Variants in DNAJC15 observed in about 807,000 individuals in gnomAD.
DNAJC15 encodes the protein dnaJ homolog subfamily C member 15.
A neutral mutation model predicts 22.4 loss-of-function variants in DNAJC15; 27 were observed. The ratio of observed to expected loss-of-function variants is 1.20; its 90% CI spans 0.89 to 1.66. The LOEUF is 1.66. Among genes scored for constraint, DNAJC15 ranks in the 40% most tolerant of loss-of-function variants. The pLI is 0.00. For synonymous variants in DNAJC15, 79 were observed against 63.2 expected (o/e 1.25, Z -1.19); for missense variants, 208 against 187.1 (o/e 1.11, Z -0.65).
At chr13:43,063,376 A>T (rs927992239) in intron 1 of DNAJC15, among the ~76,000 whole-genome samples, 4 of 152,338 alleles carry the variant, frequency 2.6e-5, no homozygotes, top group Admixed American at 2.6e-4. Flanking sequence ...TCACTGTGCT[A>T]AATCTTTTAC....
intron 3 of DNAJC15, among the ~76,000 whole-genome samples, chr13:43,071,994 G>A (rs958572020): frequency 4.6e-5 from 7 of 152,148 alleles, no homozygotes; most frequent in Admixed American, 1.3e-4. Flanking sequence ...TTGAAATCTG[G>A]TGAAGCCAAC....
chr13:43,054,997 C>A (rs73473966), intron 1 of DNAJC15, among the ~76,000 whole-genome samples: 6,352 of 151,480 alleles, frequency 0.042, 469 homozygotes, highest in African/African-American at 0.15. Flanking sequence ...ACAATGGGCC[C>A]CAGTAAAAAC....
At chr13:43,083,751 A>T (rs1364248843) in intron 4 of DNAJC15, among the ~76,000 whole-genome samples, 1 of 152,190 alleles carries the variant, frequency 6.6e-6, no homozygotes, top group Non-Finnish European at 1.5e-5. Flanking sequence ...ATGATGTTTA[A>T]CAGTTATTTT....
At chr13:43,047,181 C>T (rs2040481468) in intron 1 of DNAJC15, among the ~76,000 whole-genome samples, 1 of 152,140 alleles carries the variant, frequency 6.6e-6, no homozygotes, top group Non-Finnish European at 1.5e-5. Context: ...ATTTTCATGT[C>T]ATTATACAAA....
At chr13:43,075,247 C>G (rs1318099117) in intron 3 of DNAJC15, among the ~76,000 whole-genome samples, 1 of 152,130 alleles carries the variant, frequency 6.6e-6, no homozygotes, top group Non-Finnish European at 1.5e-5. Flanking sequence ...GAACTTCTTC[C>G]CGACACTAGA....
Position 43,107,291 on chromosome 13 carries a change from G to A in DNAJC15, c.*43G>A, listed in dbSNP as rs1047775. On this transcript the variant is annotated 3_prime_UTR_variant, in exon 6 of 6. Transcript: ENST00000379221. Reference sequence around the variant, plus strand: ...GAAGGAAAAAAAAAGAGGGGACTTCGAAAAAAAAAAAAGCCCTGCAAAATA... The same window carrying A: ...GAAGGAAAAAAAAAGAGGGGACTTCAAAAAAAAAAAAAGCCCTGCAAAATA... The A allele has an allele frequency of 0.45, 548,259 of 1,227,230 alleles. 69,184 individuals are homozygous for A. The highest frequency in any genetic ancestry group is 0.55 in the African/African-American group (32,467 of 59,390). The allele number at this position is 1,227,230 out of a possible 1,614,324, so 76.0% of individuals were successfully genotyped here.
intron 1 of DNAJC15, among the ~76,000 whole-genome samples, chr13:43,030,793 A>G (rs191091490): frequency 6.6e-5 from 10 of 152,340 alleles, no homozygotes; most frequent in Middle Eastern, 6.8e-3. Flanking sequence ...TTCTAGGGCC[A>G]AGCACAGCAC....
At chr13:43,047,425 T>G (rs1012787151) in intron 1 of DNAJC15, among the ~76,000 whole-genome samples, 20 of 152,130 alleles carry the variant, frequency 1.3e-4, no homozygotes, top group African/African-American at 4.8e-4. Context: ...TGAAGTTGAT[T>G]GCTGAGTAAG....
At chr13:43,046,385 CATCTCGGTGGTGGTGAGAG>C (rs1228993175) in intron 1 of DNAJC15, among the ~76,000 whole-genome samples, 1 of 152,092 alleles carries the variant, frequency 6.6e-6, no homozygotes, top group Non-Finnish European at 1.5e-5. Flanking sequence ...CTACAAGAGA[CATCTCGGTGGTGGTGAGAG>C]ACAGGACTAG....
Position 43,107,356 on chromosome 13 carries a change from C to T in DNAJC15, c.*108C>T. 3.5e-6 allele frequency: 3 copies of T among 853,166 alleles called. No individual in the cohort carries two copies. Among genetic ancestry groups the T allele is most frequent in the Non-Finnish European group, 5.0e-6 (3 of 598,966 alleles). 52.8% of individuals were successfully genotyped at this position (853,166 alleles called of 1,614,324 possible). A position where few individuals can be genotyped will look rare whatever the true frequency, so the allele number is the denominator to read the frequency against. On this transcript the variant is annotated 3_prime_UTR_variant, in exon 6 of 6. Transcript: ENST00000379221. ...CTTCTTAATTTTCTATATGGATTGA[C>T]CACAGTCTTATCTTCCACCATTAAG...
intron 1 of DNAJC15, among the ~76,000 whole-genome samples, chr13:43,047,560 T>C (rs186491590): frequency 2.0e-5 from 3 of 152,346 alleles, no homozygotes; most frequent in Admixed American, 6.5e-5. Context: ...CATAACCTTG[T>C]TTGAATCATT....
At chr13:43,051,628 C>T (rs1180767866) in intron 1 of DNAJC15, among the ~76,000 whole-genome samples, 1 of 147,120 alleles carries the variant, frequency 6.8e-6, no homozygotes, top group Non-Finnish European at 1.5e-5. Flanking sequence ...CTGAGTAGTA[C>T]TTCATGGTGT....
intron 1 of DNAJC15, among the ~76,000 whole-genome samples, chr13:43,053,733 A>C (rs1249032832): frequency 6.6e-6 from 1 of 152,192 alleles, no homozygotes; most frequent in Non-Finnish European, 1.5e-5. Flanking sequence ...GTTAGTGTAT[A>C]GCAGAGCTAC....
At chr13:43,075,304 G>A (rs1189249966) in intron 3 of DNAJC15, among the ~76,000 whole-genome samples, 1 of 152,144 alleles carries the variant, frequency 6.6e-6, no homozygotes, top group Non-Finnish European at 1.5e-5. Context: ...GGGCAAAACT[G>A]AAAGTGAAAA....
chr13:43,050,203 AG>A (rs753974256), intron 1 of DNAJC15, among the ~76,000 whole-genome samples: 3 of 152,178 alleles, frequency 2.0e-5, no homozygotes, highest in Non-Finnish European at 2.9e-5. Flanking sequence ...TACAGGCATG[AG>A]CCACTCTGCC....
At chr13:43,096,798 A>G (rs1452980423) in intron 5 of DNAJC15, among the ~76,000 whole-genome samples, 1 of 152,328 alleles carries the variant, frequency 6.6e-6, no homozygotes, top group South Asian at 2.1e-4. Flanking sequence ...AAAAAATGAC[A>G]TGTGATTTCT....
At chr13:43,034,577 A>C (rs1415103001) in intron 1 of DNAJC15, among the ~76,000 whole-genome samples, 8 of 151,406 alleles carry the variant, frequency 5.3e-5, no homozygotes, top group Non-Finnish European at 8.8e-5. Context: ...GGCCTCCCAA[A>C]GTGCTAGGAT....
At chr13:43,036,844 C>T (rs556392252) in intron 1 of DNAJC15, among the ~76,000 whole-genome samples, 84 of 152,370 alleles carry the variant, frequency 5.5e-4, no homozygotes, top group African/African-American at 1.3e-3. Context: ...CATGCACACC[C>T]GGCTGGGTTG....
At chr13:43,102,037 TCA>T (rs1423333790) in intron 5 of DNAJC15, among the ~76,000 whole-genome samples, 1 of 152,220 alleles carries the variant, frequency 6.6e-6, no homozygotes, top group Non-Finnish European at 1.5e-5. Flanking sequence ...CTAGTTATAC[TCA>T]CACCAGCAGT....
Sources: allele counts gnomAD v4.1 joint callset (sites outside exome capture counted in the v4.1 genomes callset), GRCh38; gene constraint gnomAD v4.1.1; transcripts MANE v1.5; gene names NCBI Gene and HGNC (gene_info 2026-07-23, HGNC 2026-07-21).